The following PAK3 variants were observed in gnomAD, a reference collection of about 807,000 sequenced individuals.
The protein encoded by PAK3 is p21 (RAC1) activated kinase 3, also known as serine/threonine-protein kinase PAK 3.
Under a neutral mutation model 41.0 loss-of-function variants are expected in PAK3, and 4 were observed. The ratio of observed to expected loss-of-function variants is 0.10; its 90% CI spans 0.05 to 0.22. The LOEUF is 0.22. PAK3 is among the 10% of genes least tolerant of loss of function. The probability of loss-of-function intolerance (pLI) is 1.00; values close to 1 mark genes in which losing one functional copy is unlikely to be tolerated. For synonymous variants in PAK3, 146 were observed against 139.6 expected, an observed-to-expected ratio of 1.05 and a Z score of -0.32; for missense variants, 205 against 409.9, an observed-to-expected ratio of 0.50 and a Z score of 4.32.
chrX:111,016,734 A>G (rs866723694), intron 1 of PAK3, among the ~76,000 whole-genome samples: 1 of 82,233 alleles, frequency 1.2e-5, no homozygotes, highest in African/African-American at 4.5e-5. Context: ...AAGGAAGGAA[A>G]GAAGGAAGGA....
rs904584740 is a variant in PAK3, at chrX:110,996,365, C to G, written c.-28+51737C>G. Among the ~76,000 whole-genome samples the G allele has an allele frequency of 5.3e-5, 6 of 112,198 alleles. No individual in the cohort carries two copies. In the South Asian group the frequency reaches 2.2e-3, roughly 42 times the overall value. ...ACTAGTGGACATACTAAACACAAAT[C>G]CCAACCATTATCAAACTTCAATTCT... On this transcript the variant is annotated intron_variant, in intron 1 of 14. Transcript: ENST00000425146.
intron 1 of PAK3, among the ~76,000 whole-genome samples, chrX:111,070,706 C>A (rs1364396104): frequency 1.8e-5 from 2 of 112,120 alleles, no homozygotes; most frequent in Non-Finnish European, 3.8e-5. Context: ...AACGATATTT[C>A]TTTAATCTCC....
intron 5 of PAK3, among the ~76,000 whole-genome samples, chrX:111,124,163 C>A (rs1177330772): frequency 8.9e-6 from 1 of 111,982 alleles, no homozygotes; most frequent in Non-Finnish European, 1.9e-5. Flanking sequence ...ATTCATACCA[C>A]AAAGAAAGCT....
At chrX:111,031,418 C>A (rs1166136306) in intron 1 of PAK3, among the ~76,000 whole-genome samples, 1 of 111,823 alleles carries the variant, frequency 8.9e-6, no homozygotes, top group Admixed American at 9.5e-5. Flanking sequence ...ACAGAAGCAA[C>A]ATATATTTTA....
intron 1 of PAK3, among the ~76,000 whole-genome samples, chrX:111,055,217 C>T (rs1001516863): frequency 8.9e-6 from 1 of 112,160 alleles, no homozygotes; most frequent in South Asian, 3.7e-4. Context: ...ACTTACCAAT[C>T]CTGCACACCA....
intron 4 of PAK3, among the ~76,000 whole-genome samples, chrX:111,119,380 A>G (rs2093527885): frequency 8.9e-6 from 1 of 112,117 alleles, no homozygotes; most frequent in African/African-American, 3.2e-5. Flanking sequence ...TTAGCTCCAC[A>G]ATGCTAAGGG....
intron 1 of PAK3, among the ~76,000 whole-genome samples, chrX:111,051,488 C>T (rs1006516277): frequency 8.9e-6 from 1 of 111,810 alleles, no homozygotes; most frequent in Non-Finnish European, 1.9e-5. Context: ...GCTTTATTTT[C>T]GCTTTCCTCT....
chrX:111,079,299 G>A (rs189458689), intron 1 of PAK3, among the ~76,000 whole-genome samples: 110 of 112,136 alleles, frequency 9.8e-4, no homozygotes, highest in Non-Finnish European at 7.5e-4. Flanking sequence ...GCTGACTCTT[G>A]TTAGAGGCTA....
At chrX:110,969,450 A>ATTTT (rs35064494) in intron 1 of PAK3, among the ~76,000 whole-genome samples, 1 of 47,358 alleles carries the variant, frequency 2.1e-5, no homozygotes, top group African/African-American at 7.8e-5. Flanking sequence ...GACGTGGCTA[A>ATTTT]TTTTTTTTTT....
chrX:111,050,778 A>C (rs1175558693), intron 1 of PAK3, among the ~76,000 whole-genome samples: 3 of 112,778 alleles, frequency 2.7e-5, no homozygotes, highest in Non-Finnish European at 5.6e-5. Context: ...TGCTGTTGGC[A>C]GATTGGCACC....
intron 16 of PAK3, among the ~76,000 whole-genome samples, chrX:111,203,453 A>G (rs1229855021): frequency 9.0e-6 from 1 of 111,620 alleles, no homozygotes; most frequent in East Asian, 2.8e-4. Context: ...AGTAGCTAGC[A>G]TATATTGGTG....
chrX:111,124,411 AG>A (rs1312538848), intron 5 of PAK3, among the ~76,000 whole-genome samples: 3 of 112,098 alleles, frequency 2.7e-5, no homozygotes, highest in African/African-American at 9.7e-5. Flanking sequence ...GTTGGGAGTA[AG>A]GGATGGTTTG....
At chrX:111,077,861 C>T (rs999529421) in intron 1 of PAK3, among the ~76,000 whole-genome samples, 9 of 111,517 alleles carry the variant, frequency 8.1e-5, no homozygotes, top group African/African-American at 1.6e-4. Context: ...AACACAGTGA[C>T]GAGACACCCT....
chrX:111,152,269 A>G lies in PAK3; in HGVS notation c.431-141A>G. 4 of 464,379 alleles carry G rather than the reference A, an allele frequency of 8.6e-6. No individual in the cohort carries two copies. The South Asian group carries it at 1.2e-4, about 14-fold the overall frequency. 38.3% of individuals were successfully genotyped at this position (464,379 alleles called of 1,213,427 possible). On this transcript the variant is annotated intron_variant, in intron 7 of 17. Transcript: ENST00000372007. ...TTTAAGAAAAGCTATGTCATTAGTC[A>G]TAATATCTAGTTAATACTAAATTGG...
At chrX:111,218,138 A>G (rs760197216) in intron 17 of PAK3, among the ~76,000 whole-genome samples, 1 of 112,273 alleles carries the variant, frequency 8.9e-6, no homozygotes, top group Admixed American at 9.4e-5. Flanking sequence ...AAGATTAGAA[A>G]GGGGAGAGAT....
chrX:110,987,525 G>A (rs1193709732), intron 1 of PAK3, among the ~76,000 whole-genome samples: 1 of 111,898 alleles, frequency 8.9e-6, no homozygotes, highest in Non-Finnish European at 1.9e-5. Context: ...GCTTGGCTGT[G>A]AACTTGCCGT....
chrX:110,965,082 A>G (rs1182240525), intron 1 of PAK3, among the ~76,000 whole-genome samples: 2 of 111,967 alleles, frequency 1.8e-5, no homozygotes, highest in Non-Finnish European at 3.8e-5. Flanking sequence ...GGAGCTGATT[A>G]TCACTATGAA....
At chrX:110,983,854 T>C (rs968466107) in intron 1 of PAK3, among the ~76,000 whole-genome samples, 1 of 111,649 alleles carries the variant, frequency 9.0e-6, no homozygotes, top group African/African-American at 3.3e-5. Flanking sequence ...ACTCAGTAAA[T>C]GGCACTACCG....
At chrX:110,980,192 G>T (rs770707648) in intron 1 of PAK3, among the ~76,000 whole-genome samples, 68 of 111,864 alleles carry the variant, frequency 6.1e-4, no homozygotes, top group Non-Finnish European at 9.6e-4. Context: ...TTCCTATGAT[G>T]AGATTACACA....
Sources: allele counts gnomAD v4.1 joint callset (sites outside exome capture counted in the v4.1 genomes callset), GRCh38; gene constraint gnomAD v4.1.1; transcripts MANE v1.5; gene names NCBI Gene and HGNC (gene_info 2026-07-23, HGNC 2026-07-21).